Variants in TTC28 observed in about 807,000 individuals in gnomAD.
The protein encoded by TTC28 is tetratricopeptide repeat protein 28.
A neutral mutation model predicts 198.0 loss-of-function variants in TTC28; 61 were observed. That is an observed-to-expected ratio of 0.31 (90% CI 0.25 to 0.38). The LOEUF (loss-of-function observed/expected upper bound fraction) is 0.38. Ranked by LOEUF, TTC28 falls within the 10% of genes least tolerant of loss-of-function variation. The pLI, the probability that TTC28 is intolerant of heterozygous loss-of-function variation, is 1.00. For missense variants in TTC28, 2,678 were observed against 3,164.0 expected (o/e 0.85, Z 3.69); for synonymous variants, 1,171 against 1,297.8 (o/e 0.90, Z 2.10).
At chr22:28,544,725 G>A (rs936837325) in intron 2 of TTC28, among the ~76,000 whole-genome samples, 1 of 152,142 alleles carries the variant, frequency 6.6e-6, no homozygotes, top group Admixed American at 6.6e-5. Context: ...GTGACCTCTG[G>A]TCATCCTCAC....
intron 6 of TTC28, among the ~76,000 whole-genome samples, chr22:28,113,994 G>C (rs1359526241): frequency 6.6e-6 from 1 of 152,214 alleles, no homozygotes; most frequent in African/African-American, 2.4e-5. Flanking sequence ...AAGAAATTGG[G>C]TTGGTCAACA....
chr22:27,983,203 G>A lies in TTC28; in HGVS notation c.6464C>T (p.Pro2155Leu), dbSNP rs1937084793. 4 of 1,551,818 alleles carry A rather than the reference G, an allele frequency of 2.6e-6. No homozygotes were observed. Among genetic ancestry groups the A allele is most frequent in the Non-Finnish European group, 2.6e-6 (3 of 1,147,020 alleles). Residue 2155 changes from proline (P) to leucine (L), a missense_variant, in exon 23 of 23, where the codon CCA becomes CTA. By Grantham distance (98) the Pro-to-Leu change is moderately conservative. Coordinates refer to ENST00000397906, the MANE Select transcript of TTC28 (RefSeq NM_001145418.2). ...GGCTAACTCTTGTGGATCCAGTTTT[G>A]GGTTGCTTTCTTCTTGGGATTTCAC... ...STVKSQEESN[P>L]KLDPQELAQK...
At chr22:27,996,336 T>C (rs1850311331) in intron 16 of TTC28, 77 bp from the exon 17 acceptor site, 7 of 1,512,650 alleles carry the variant, frequency 4.6e-6, no homozygotes, top group Middle Eastern at 2.2e-4. Flanking sequence ...AGGGCTCACT[T>C]ACGCCTCGAG....
At chr22:28,355,100 T>G (rs555434283) in intron 2 of TTC28, among the ~76,000 whole-genome samples, 1 of 151,960 alleles carries the variant, frequency 6.6e-6, no homozygotes, top group Non-Finnish European at 1.5e-5. Context: ...TATTGAGCAC[T>G]TAACACTGTG....
At chr22:28,215,423 G>T (rs1311370980) in intron 5 of TTC28, among the ~76,000 whole-genome samples, 1 of 152,138 alleles carries the variant, frequency 6.6e-6, no homozygotes, top group Non-Finnish European at 1.5e-5. Context: ...TCCAATGATG[G>T]ATCATATTAA....
chr22:28,332,768 AT>A (rs1487584347), intron 2 of TTC28, among the ~76,000 whole-genome samples: 1 of 152,102 alleles, frequency 6.6e-6, no homozygotes, highest in Non-Finnish European at 1.5e-5. Context: ...TTTGCAAGAT[AT>A]CTTTTTTATT....
chr22:28,045,599 T>A (rs549117315), intron 12 of TTC28, among the ~76,000 whole-genome samples: 1 of 152,346 alleles, frequency 6.6e-6, no homozygotes, highest in South Asian at 2.1e-4. Flanking sequence ...TTTTTCTTTT[T>A]TGAATTCTGT....
intron 6 of TTC28, among the ~76,000 whole-genome samples, chr22:28,149,998 A>G (rs1943570085): frequency 6.6e-6 from 1 of 152,208 alleles, no homozygotes; most frequent in Admixed American, 6.5e-5. Context: ...ATCACATTGT[A>G]TCCCATAAAT....
At chr22:28,467,012 G>C (rs2048031289) in intron 2 of TTC28, among the ~76,000 whole-genome samples, 1 of 152,152 alleles carries the variant, frequency 6.6e-6, no homozygotes, top group Non-Finnish European at 1.5e-5. Flanking sequence ...TCCAAAAATG[G>C]AGTCATATAC....
In TTC28 at chr22:28,105,440, G is replaced by A. The variant is rs1420336706; in HGVS notation, c.3146C>T (p.Ser1049Phe). ...AYGNLGLTYE[S>F]LGTFERAVVY... ...CACAGCCCTCTCGAAGGTGCCCAGG[G>A]ATTCATAAGTCAGGCCCAGGTTCCC... Residue 1049 changes from serine (S) to phenylalanine (F), a missense_variant, in exon 8 of 23, where the codon TCC becomes TTC. Physicochemically the swap from Ser to Phe is radical, Grantham distance 155 (BLOSUM62 -2). This residue lies in a region of TTC28 where 727 missense variants were observed against 861.9 expected (regional missense o/e 0.84). Coordinates refer to ENST00000397906, the MANE Select transcript of TTC28 (RefSeq NM_001145418.2). The A allele has an allele frequency of 6.4e-7, 1 of 1,551,578 alleles. No individual in the cohort carries two copies. The highest frequency in any genetic ancestry group is 8.7e-7 in the Non-Finnish European group (1 of 1,147,006).
At chr22:28,349,840 T>G (rs1387208838) in intron 2 of TTC28, among the ~76,000 whole-genome samples, 1 of 152,264 alleles carries the variant, frequency 6.6e-6, no homozygotes, top group East Asian at 1.9e-4. Context: ...GAATTAACTT[T>G]ATACTAACAA....
chr22:28,061,875 G>C (rs937991100), intron 12 of TTC28, among the ~76,000 whole-genome samples: 2 of 152,076 alleles, frequency 1.3e-5, no homozygotes, highest in African/African-American at 4.8e-5. Flanking sequence ...CCATTTGTTT[G>C]TGTCCTCTTT....
At chr22:28,204,980 A>G (rs1926274043) in intron 5 of TTC28, among the ~76,000 whole-genome samples, 1 of 152,156 alleles carries the variant, frequency 6.6e-6, no homozygotes, top group Non-Finnish European at 1.5e-5. Flanking sequence ...TTTTTGGACC[A>G]AATGCCAAAA....
chr22:28,400,986 T>C (rs1046885253), intron 2 of TTC28, among the ~76,000 whole-genome samples: 8 of 152,296 alleles, frequency 5.3e-5, no homozygotes, highest in Admixed American at 4.6e-4. Context: ...CTATTCTTAT[T>C]TTAAGTTGAT....
At chr22:28,421,547 G>A (rs1311006653) in intron 2 of TTC28, among the ~76,000 whole-genome samples, 1 of 152,060 alleles carries the variant, frequency 6.6e-6, no homozygotes, top group Non-Finnish European at 1.5e-5. Flanking sequence ...TCAATTAATG[G>A]ATAATTATCT....
chr22:28,527,458 G>A (rs1332680702), intron 2 of TTC28, among the ~76,000 whole-genome samples: 2 of 152,090 alleles, frequency 1.3e-5, no homozygotes, highest in Non-Finnish European at 2.9e-5. Context: ...CCTAGTTACT[G>A]CAAACCAGTT....
intron 5 of TTC28, among the ~76,000 whole-genome samples, chr22:28,186,577 C>T (rs748038978): frequency 9.2e-5 from 14 of 152,088 alleles, no homozygotes; most frequent in Non-Finnish European, 1.5e-4. Context: ...GATGGGAGCT[C>T]TACAGGAAGA....
chr22:28,031,404 T>C (rs16985909), intron 12 of TTC28, among the ~76,000 whole-genome samples: 3,602 of 152,228 alleles, frequency 0.024, 46 homozygotes, highest in Non-Finnish European at 0.03. Flanking sequence ...TTTCAGACCT[T>C]CCTACTAAGG....
intron 2 of TTC28, among the ~76,000 whole-genome samples, chr22:28,615,810 G>C (rs1157414018): frequency 6.7e-6 from 1 of 149,338 alleles, no homozygotes; most frequent in South Asian, 2.2e-4. Flanking sequence ...GGGGGGCTAG[G>C]GGAAGGATAG....
Sources: gnomAD v4.1 joint callset for allele counts (sites outside exome capture counted in the v4.1 genomes callset) on GRCh38, gnomAD v4.1.1 for gene constraint, gnomAD v4.1.1 regional missense constraint, MANE v1.5 for transcripts, NCBI Gene and HGNC (gene_info 2026-07-23, HGNC 2026-07-21) for gene names.